The following PARP11 variants were observed in gnomAD, a reference collection of about 807,000 sequenced individuals.
The protein encoded by PARP11 is poly(ADP-ribose) polymerase family member 11, also known as protein mono-ADP-ribosyltransferase PARP11.
PARP11 carries 31 observed loss-of-function variants against 42.9 expected under a neutral mutation model. That is an observed-to-expected ratio of 0.72 (90% confidence interval 0.54 to 0.98). The LOEUF is 0.98. PARP11 is among the 50% of genes least tolerant of loss of function. The probability of loss-of-function intolerance (pLI) is 0.00; values close to 1 mark genes in which losing one functional copy is unlikely to be tolerated. For missense variants in PARP11, 365 were observed against 413.1 expected, an observed-to-expected ratio of 0.88 and a Z score of 1.01; for synonymous variants, 137 against 127.3, an observed-to-expected ratio of 1.08 and a Z score of -0.51.
Position 3,840,329 on chromosome 12 carries a change from A to T in PARP11, c.19-10311T>A, listed in dbSNP as rs1947858841. The T allele has an allele frequency of 7.4e-6, 12 of 1,614,036 alleles. No homozygotes were observed. Among genetic ancestry groups the T allele is most frequent in the South Asian group, 6.6e-5 (6 of 91,082 alleles). ...AGCTGGAACACAGTGTCAGGGAAGAAGATGAAAAAACCTTCCACTTCTGGA... is the reference window on the plus strand; with the variant it reads ...AGCTGGAACACAGTGTCAGGGAAGATGATGAAAAAACCTTCCACTTCTGGA... On this transcript the variant is annotated intron_variant, in intron 1 of 7. Transcript: ENST00000228820. The surrounding 1 kb of genome is among the most constrained non-coding windows in gnomAD (Gnocchi z 4.4).
intron 6 of PARP11, among the ~76,000 whole-genome samples, chr12:3,816,909 A>C (rs1217789039): frequency 6.6e-6 from 1 of 152,156 alleles, no homozygotes; most frequent in African/African-American, 2.4e-5. Flanking sequence ...CTCAAAAAGA[A>C]GGCCAGGCGC....
chr12:3,836,657 A>C (rs1473287237), intron 1 of PARP11, among the ~76,000 whole-genome samples: 2 of 152,220 alleles, frequency 1.3e-5, no homozygotes, highest in East Asian at 1.9e-4. Flanking sequence ...GCACAGAAGA[A>C]AGCTGGCTTT....
Position 3,821,885 on chromosome 12 carries a change from TC to T in PARP11, c.535del (p.Glu179SerfsTer45). On this transcript the variant is annotated frameshift_variant, in exon 6 of 8. Coordinates refer to ENST00000228820, the MANE Select transcript of PARP11 (RefSeq NM_020367.6). LOFTEE classifies it high-confidence loss of function. The stretch of plus-strand genomic sequence containing the variant: ...GAAATCATCTCACCTGCAAAAGAAC[TC>T]CCACAAATCTAGGTTTTGAATTCTC... ...IQRIQNLDLW[E>X]FFCRKKAQLK... 6.2e-7 allele frequency: 1 copy of T among 1,606,174 alleles called. No individual in the cohort carries two copies. The highest frequency in any genetic ancestry group is 1.8e-5 in the Admixed American group (1 of 56,980).
chr12:3,831,526 C>T (rs1392816550), intron 1 of PARP11, among the ~76,000 whole-genome samples: 1 of 152,096 alleles, frequency 6.6e-6, no homozygotes, highest in Non-Finnish European at 1.5e-5. Context: ...AGACTCCTTC[C>T]TCATTGGGAT....
chr12:3,844,020 A>G (rs1565543897), intron 1 of PARP11, among the ~76,000 whole-genome samples: 1 of 152,190 alleles, frequency 6.6e-6, no homozygotes, highest in East Asian at 1.9e-4. Context: ...ACTGAAACAG[A>G]TGAGTTTTCT....
chr12:3,858,411 AC>A (rs1948230248), intron 1 of PARP11, among the ~76,000 whole-genome samples: 1 of 152,238 alleles, frequency 6.6e-6, no homozygotes, highest in Admixed American at 6.5e-5. Context: ...GTGCATTCAT[AC>A]CAAACAAGAA....
rs1947233809 is a variant in PARP11 at position 3,814,034 on chromosome 12, T to C, written c.700+3A>G. 6.5e-7 allele frequency: 1 copy of C among 1,545,838 alleles called. No individual in the cohort carries two copies. The highest frequency in any genetic ancestry group is 8.8e-7 in the Non-Finnish European group (1 of 1,138,196). ...AAATTGGACCTGGAATTCTGATAAT[T>C]ACCTTTTCCAAAGACAGCACCATGT... On this transcript the variant is annotated splice_donor_region_variant and intron_variant, in intron 7 of 7. Transcript: ENST00000228820.
At chr12:3,845,239 G>C (rs1310946623) in intron 1 of PARP11, among the ~76,000 whole-genome samples, 1 of 152,146 alleles carries the variant, frequency 6.6e-6, no homozygotes, top group Non-Finnish European at 1.5e-5. Flanking sequence ...GCTGGCATCT[G>C]TGTAGTCCTC....
At chr12:3,829,592 G>C (rs577292489) in intron 2 of PARP11, among the ~76,000 whole-genome samples, 2 of 152,160 alleles carry the variant, frequency 1.3e-5, no homozygotes, top group Admixed American at 1.3e-4. Flanking sequence ...ATACGGATTT[G>C]TTCTTCCCTT....
chr12:3,811,620 CAG>C lies in PARP11; in HGVS notation c.*501_*502del, dbSNP rs1330242180. The C allele has an allele frequency of 6.6e-6, 1 of 152,506 alleles. No homozygotes were observed. Among genetic ancestry groups the C allele is most frequent in the Non-Finnish European group, 1.5e-5 (1 of 68,312 alleles). The allele number at this position is 152,506 out of a possible 1,614,324, so 9.4% of individuals were successfully genotyped here. On this transcript the variant is annotated 3_prime_UTR_variant, in exon 8 of 8. Coordinates refer to ENST00000228820, the MANE Select transcript of PARP11 (RefSeq NM_020367.6). Reference sequence around the variant, plus strand: ...TTCTCTCAAGGTGCTCAGACTGTTTCAGAGTTTTAAATCCCCCCTTCAGAAGA... The same window carrying C: ...TTCTCTCAAGGTGCTCAGACTGTTTCAGTTTTAAATCCCCCCTTCAGAAGA...
intron 1 of PARP11, among the ~76,000 whole-genome samples, chr12:3,870,160 C>T (rs995494368): frequency 2.0e-5 from 3 of 152,046 alleles, no homozygotes; most frequent in Non-Finnish European, 1.5e-5. Context: ...ACCAGGAAAG[C>T]GAAACTAAAA....
chr12:3,873,175 G>GC (rs1948526284), intron 1 of PARP11, 37 bp downstream of exon 1: 1 of 865,958 alleles, frequency 1.2e-6, no homozygotes, highest in Non-Finnish European at 1.8e-6. Context: ...CATCAACCCC[G>GC]CCCCCTGGGC....
At chr12:3,831,166 A>G (rs1379220126) in intron 1 of PARP11, among the ~76,000 whole-genome samples, 4 of 152,140 alleles carry the variant, frequency 2.6e-5, no homozygotes, top group African/African-American at 9.7e-5. Context: ...TTTTTTAACC[A>G]TCACTTCCAT....
chr12:3,829,072 A>G (rs1324736838), intron 2 of PARP11, 42 bp from the exon 3 acceptor site: 2 of 1,610,392 alleles, frequency 1.2e-6, no homozygotes, highest in African/African-American at 1.3e-5. Context: ...AGCTGTTCAC[A>G]TTAATGACTT....
chr12:3,814,377 T>C (rs1283420349), intron 6 of PARP11, among the ~76,000 whole-genome samples, 189 bp from the exon 7 acceptor site: 1 of 152,192 alleles, frequency 6.6e-6, no homozygotes, highest in Non-Finnish European at 1.5e-5. Flanking sequence ...AATCATCTCA[T>C]CAAAAATTAT....
rs1383619152 is a variant in PARP11 at position 3,840,581 on chromosome 12, A to G, written c.19-10563T>C. ...AGAAAACCTGATCGTGAAAGAGTTG[A>G]GGATTCTGATCACACAAGTCGAGAA... On this transcript the variant is annotated intron_variant, in intron 1 of 7. Coordinates refer to ENST00000228820, the MANE Select transcript of PARP11 (RefSeq NM_020367.6). The surrounding 1 kb of genome is among the most constrained non-coding windows in gnomAD (Gnocchi z 4.4). 1.2e-5 allele frequency: 17 copies of G among 1,472,292 alleles called. No individual in the cohort carries two copies. In the South Asian group the frequency reaches 1.5e-4, roughly 13 times the overall value. 91.2% of individuals were successfully genotyped at this position (1,472,292 alleles called of 1,614,324 possible). A position where few individuals can be genotyped will look rare whatever the true frequency, so the allele number is the denominator to read the frequency against.
At chr12:3,864,363 T>C (rs1948354080) in intron 1 of PARP11, among the ~76,000 whole-genome samples, 2 of 152,358 alleles carry the variant, frequency 1.3e-5, no homozygotes, top group African/African-American at 4.8e-5. Flanking sequence ...TGCATGTATG[T>C]TCATGCAGGA....
At chr12:3,825,050 T>C (rs1406379399) in intron 4 of PARP11, among the ~76,000 whole-genome samples, 1 of 150,732 alleles carries the variant, frequency 6.6e-6, no homozygotes, top group Non-Finnish European at 1.5e-5. Flanking sequence ...CTTTCTTTAA[T>C]CCTTTCAAAA....
intron 3 of PARP11, 130 bp from the exon 4 acceptor site, chr12:3,826,363 T>C (rs1947526470): frequency 1.7e-6 from 1 of 594,138 alleles, no homozygotes. Context: ...GCAAGCATAG[T>C]GTATTATGGG....
Sources: gnomAD v4.1 joint callset for allele counts (sites outside exome capture counted in the v4.1 genomes callset) on GRCh38, gnomAD v4.1.1 for gene constraint, Gnocchi (gnomAD v3.1) non-coding constraint, MANE v1.5 for transcripts, NCBI Gene and HGNC (gene_info 2026-07-23, HGNC 2026-07-21) for gene names.